JAZF1: variants seen among roughly 807,000 people sequenced by gnomAD.
The protein encoded by JAZF1 is JAZF zinc finger 1.
Under a neutral mutation model 26.4 loss-of-function variants are expected in JAZF1, and 8 were observed. That is an observed-to-expected ratio of 0.30 (90% CI 0.18 to 0.55). The LOEUF (loss-of-function observed/expected upper bound fraction) is 0.55, where lower values mean the gene tolerates loss of function less well. JAZF1 is among the 20% of genes least tolerant of loss of function. The pLI, the probability that JAZF1 is intolerant of heterozygous loss-of-function variation, is 0.94. For missense variants in JAZF1, 199 were observed against 322.0 expected (o/e 0.62, Z 2.92); for synonymous variants, 126 against 122.3 (o/e 1.03, Z -0.20).
At chr7:27,966,440 G>A (rs2128358528) in intron 2 of JAZF1, among the ~76,000 whole-genome samples, 1 of 152,298 alleles carries the variant, frequency 6.6e-6, no homozygotes, top group African/African-American at 2.4e-5. Context: ...GGTAGAGAGT[G>A]AGATGCAAAA....
chr7:27,950,727 T>A (rs1223159577), intron 2 of JAZF1, among the ~76,000 whole-genome samples: 1 of 152,192 alleles, frequency 6.6e-6, no homozygotes, highest in Non-Finnish European at 1.5e-5. Context: ...CTATGTGCCA[T>A]GAGCTTGATA....
chr7:28,018,150 G>C (rs1199662566), intron 1 of JAZF1, among the ~76,000 whole-genome samples: 2 of 152,236 alleles, frequency 1.3e-5, no homozygotes, highest in Non-Finnish European at 2.9e-5. Flanking sequence ...AAGACAGGAA[G>C]GGGTAGAACG....
At chr7:27,976,525 C>T (rs1226658576) in intron 2 of JAZF1, among the ~76,000 whole-genome samples, 2 of 151,936 alleles carry the variant, frequency 1.3e-5, no homozygotes, top group Non-Finnish European at 2.9e-5. Context: ...TGATTGAGAC[C>T]TAAGAGCATG....
At chr7:28,094,992 C>T (rs1475934429) in intron 1 of JAZF1, among the ~76,000 whole-genome samples, 1 of 152,086 alleles carries the variant, frequency 6.6e-6, no homozygotes, top group African/African-American at 2.4e-5. Context: ...CAGAGAAGGG[C>T]ACAGTCTCTA....
Position 28,088,835 on chromosome 7 carries a change from T to C in JAZF1, c.115+91628A>G, listed in dbSNP as rs557783973. On this transcript the variant is annotated intron_variant, in intron 1 of 4. Transcript: ENST00000283928. ...GGATGGATGTTTCTGTGAGTTTACA[T>C]AATCTCTCTCAGGATAAATTCATTC... Among the ~76,000 whole-genome samples the C allele has an allele frequency of 2.9e-4, 44 of 152,354 alleles. No individual in the cohort carries two copies. In the South Asian group the frequency reaches 3.1e-3, roughly 11 times the overall value.
At position 27,861,818 on chromosome 7, in the gene JAZF1, A is replaced by C. The variant is rs190699930; in HGVS notation, c.386-20951T>G. ...TCAAATGGTGAAGGTCCACACAGTG[A>C]ACCTGGAGGGGGACCACCTCACAGG... is the stretch of plus-strand genomic sequence containing the variant. On this transcript the variant is annotated intron_variant, in intron 3 of 4. Coordinates refer to ENST00000283928, the MANE Select transcript of JAZF1 (RefSeq NM_175061.4). Among the ~76,000 whole-genome samples, 4 of 152,328 alleles carry C rather than the reference A, an allele frequency of 2.6e-5. No homozygotes were observed. The East Asian group carries it at 7.7e-4, about 29-fold the overall frequency.
At position 27,881,591 on chromosome 7, in the gene JAZF1, C is replaced by A. The variant is rs144228616; in HGVS notation, c.385+13629G>T. 3.5e-3 allele frequency among the ~76,000 whole-genome samples: 533 copies of A among 152,090 alleles called. 1 individual carries two copies. The highest frequency in any genetic ancestry group is 0.012 in the African/African-American group (515 of 41,470). On this transcript the variant is annotated intron_variant, in intron 3 of 4. Coordinates refer to ENST00000283928, the MANE Select transcript of JAZF1 (RefSeq NM_175061.4). Reference sequence around the variant, plus strand: ...ACTTGGTGGAATATTAGAAAGTAACCATTTAAAAGGGTGGGGGCCTGCTCA... The same window carrying A: ...ACTTGGTGGAATATTAGAAAGTAACAATTTAAAAGGGTGGGGGCCTGCTCA...
intron 2 of JAZF1, among the ~76,000 whole-genome samples, chr7:27,901,952 C>T (rs547227820): frequency 6.6e-6 from 1 of 152,138 alleles, no homozygotes; most frequent in African/African-American, 2.4e-5. Flanking sequence ...TCTCACGGTG[C>T]GACCTGGTGC....
At chr7:27,983,256 G>A (rs144635778) in intron 2 of JAZF1, among the ~76,000 whole-genome samples, 1,905 of 152,290 alleles carry the variant, frequency 0.013, 39 homozygotes, top group African/African-American at 0.042. Flanking sequence ...AGCCTTAAAT[G>A]ACCTGATGGA....
intron 1 of JAZF1, among the ~76,000 whole-genome samples, chr7:28,050,291 CAT>C (rs1311558634): frequency 6.6e-6 from 1 of 152,116 alleles, no homozygotes; most frequent in Non-Finnish European, 1.5e-5. Context: ...AAGGCAAATC[CAT>C]AGAGACAGAA....
intron 1 of JAZF1, among the ~76,000 whole-genome samples, chr7:28,009,689 T>C (rs575677916): frequency 1.7e-3 from 256 of 152,278 alleles, no homozygotes; most frequent in African/African-American, 6.0e-3. Context: ...TTCACCGTGT[T>C]AGCCAGGCTG....
intron 1 of JAZF1, among the ~76,000 whole-genome samples, chr7:28,155,112 T>C (rs1168630898): frequency 6.6e-6 from 1 of 151,970 alleles, no homozygotes; most frequent in East Asian, 1.9e-4. Context: ...CTAATGAAAA[T>C]GATTGGGAGG....
chr7:27,916,828 T>G (rs1784449155), intron 2 of JAZF1, among the ~76,000 whole-genome samples: 1 of 152,160 alleles, frequency 6.6e-6, no homozygotes, highest in East Asian at 1.9e-4. Flanking sequence ...AACTCAAAAA[T>G]CCCACCGCTC....
intron 1 of JAZF1, among the ~76,000 whole-genome samples, chr7:28,151,253 G>A (rs1783108388): frequency 6.6e-6 from 1 of 151,714 alleles, no homozygotes; most frequent in African/African-American, 2.4e-5. Context: ...ACAGGCACAT[G>A]CCACCACACT....
At chr7:28,102,070 C>T (rs1186623703) in intron 1 of JAZF1, among the ~76,000 whole-genome samples, 1 of 152,132 alleles carries the variant, frequency 6.6e-6, no homozygotes, top group East Asian at 1.9e-4. Context: ...GGAGGCAGGG[C>T]ACCAACAACC....
chr7:28,171,454 T>G (rs1025304540), intron 1 of JAZF1, among the ~76,000 whole-genome samples: 1 of 152,216 alleles, frequency 6.6e-6, no homozygotes, highest in Non-Finnish European at 1.5e-5. Flanking sequence ...ATACCATTTC[T>G]GAAAACACGT....
chr7:28,011,450 C>T (rs538047625), intron 1 of JAZF1, among the ~76,000 whole-genome samples: 7 of 152,260 alleles, frequency 4.6e-5, no homozygotes, highest in East Asian at 1.9e-4. Flanking sequence ...AAACACTTCA[C>T]GCAAGGACTT....
chr7:27,951,466 C>T (rs1415943472), intron 2 of JAZF1, among the ~76,000 whole-genome samples: 1 of 152,202 alleles, frequency 6.6e-6, no homozygotes, highest in Non-Finnish European at 1.5e-5. Flanking sequence ...GCATTTTAGA[C>T]ATCAAAGCAT....
intron 1 of JAZF1, among the ~76,000 whole-genome samples, chr7:28,115,319 C>G (rs1027113340): frequency 2.0e-5 from 3 of 152,196 alleles, no homozygotes; most frequent in African/African-American, 7.2e-5. Flanking sequence ...ACCATGTAAT[C>G]AAGAGTTTTA....
Sources: allele counts gnomAD v4.1 joint callset (sites outside exome capture counted in the v4.1 genomes callset), GRCh38; gene constraint gnomAD v4.1.1; transcripts MANE v1.5; gene names NCBI Gene and HGNC (gene_info 2026-07-23, HGNC 2026-07-21).